Variants in NXPH1 observed in about 807,000 individuals in gnomAD.
The protein encoded by NXPH1 is neurexophilin-1.
NXPH1 carries 5 observed loss-of-function variants against 23.7 expected under a neutral mutation model. The observed-to-expected ratio is 0.21, with a 90% CI of 0.11 to 0.44. The LOEUF is 0.44. NXPH1 is among the 20% of genes least tolerant of loss of function. NXPH1 has a pLI of 0.99. For missense variants in NXPH1, 324 were observed against 321.6 expected (o/e 1.01, Z -0.06); for synonymous variants, 144 against 122.2 (o/e 1.18, Z -1.18).
chr7:8,483,515 C>T (rs1817108509), intron 2 of NXPH1, among the ~76,000 whole-genome samples: 1 of 151,918 alleles, frequency 6.6e-6, no homozygotes, highest in Admixed American at 6.6e-5. Flanking sequence ...CCCTATGTTG[C>T]CCAGGCTGGT....
chr7:8,720,280 C>G (rs1178106556), intron 2 of NXPH1, among the ~76,000 whole-genome samples: 1 of 152,140 alleles, frequency 6.6e-6, no homozygotes, highest in African/African-American at 2.4e-5. Context: ...GGTTTTGGGT[C>G]AGAACAGCAG....
At chr7:8,660,241 A>G (rs934043604) in intron 2 of NXPH1, among the ~76,000 whole-genome samples, 1 of 152,168 alleles carries the variant, frequency 6.6e-6, no homozygotes, top group African/African-American at 2.4e-5. Flanking sequence ...TATTTTGCAA[A>G]TAAGGAAAGT....
chr7:8,525,959 G>T (rs1474669154), intron 2 of NXPH1, among the ~76,000 whole-genome samples: 1 of 151,826 alleles, frequency 6.6e-6, no homozygotes, highest in Non-Finnish European at 1.5e-5. Context: ...CCTAGTGGAG[G>T]TGTGAGAAGA....
intron 2 of NXPH1, among the ~76,000 whole-genome samples, chr7:8,612,551 G>A (rs180875863): frequency 1.3e-5 from 2 of 151,966 alleles, no homozygotes; most frequent in African/African-American, 2.4e-5. Flanking sequence ...GCATTCATAT[G>A]TGCTAAGTTA....
At chr7:8,455,188 C>A (rs545552649) in intron 2 of NXPH1, among the ~76,000 whole-genome samples, 124 of 152,144 alleles carry the variant, frequency 8.2e-4, no homozygotes, top group African/African-American at 2.9e-3. Context: ...ATTGTCAGTT[C>A]TCCTATATAC....
intron 2 of NXPH1, among the ~76,000 whole-genome samples, chr7:8,673,734 C>T (rs1820907025): frequency 6.6e-6 from 1 of 151,960 alleles, no homozygotes; most frequent in Non-Finnish European, 1.5e-5. Context: ...CAGTCTTCGG[C>T]AAAGACTAAG....
At chr7:8,582,740 A>G (rs1818904942) in intron 2 of NXPH1, among the ~76,000 whole-genome samples, 1 of 152,154 alleles carries the variant, frequency 6.6e-6, no homozygotes, top group African/African-American at 2.4e-5. Context: ...AAGCACTATG[A>G]GTAAATTCTC....
intron 2 of NXPH1, among the ~76,000 whole-genome samples, chr7:8,633,817 G>T (rs1445168918): frequency 6.6e-6 from 1 of 152,166 alleles, no homozygotes; most frequent in Non-Finnish European, 1.5e-5. Context: ...TGACAAAACT[G>T]AGGTCTGCGG....
intron 2 of NXPH1, among the ~76,000 whole-genome samples, chr7:8,690,952 A>C (rs1307895050): frequency 6.6e-6 from 1 of 152,128 alleles, no homozygotes; most frequent in African/African-American, 2.4e-5. Flanking sequence ...ATTTGAATGA[A>C]GTCTCCTCAA....
At chr7:8,476,292 TTCTC>T (rs1189695409) in intron 2 of NXPH1, among the ~76,000 whole-genome samples, 1 of 152,148 alleles carries the variant, frequency 6.6e-6, no homozygotes, top group African/African-American at 2.4e-5. Context: ...GCCCTGTTCT[TTCTC>T]TGTCAGCTGA....
At chr7:8,522,993 A>C (rs902811486) in intron 2 of NXPH1, among the ~76,000 whole-genome samples, 3 of 152,238 alleles carry the variant, frequency 2.0e-5, no homozygotes, top group African/African-American at 7.2e-5. Flanking sequence ...AACTTTGGGC[A>C]AATACACTTT....
intron 2 of NXPH1, among the ~76,000 whole-genome samples, chr7:8,600,089 T>C (rs1013702344): frequency 1.3e-5 from 2 of 152,052 alleles, no homozygotes; most frequent in African/African-American, 4.8e-5. Flanking sequence ...AAAATATTTA[T>C]TTATATGATG....
chr7:8,516,866 TG>T (rs1817695148), intron 2 of NXPH1, among the ~76,000 whole-genome samples: 1 of 151,976 alleles, frequency 6.6e-6, no homozygotes, highest in African/African-American at 2.4e-5. Context: ...GTGCAGAAGG[TG>T]GATGGAAAGA....
chr7:8,461,843 A>AAAAAAAAAAAAAAATG (rs758426131), intron 2 of NXPH1, among the ~76,000 whole-genome samples: 1 of 121,450 alleles, frequency 8.2e-6, no homozygotes. Flanking sequence ...TCTCAAAAAA[A>AAAAAAAAAAAAAAATG]AAAAAAAAGA....
At chr7:8,459,194 G>A (rs1816649633) in intron 2 of NXPH1, among the ~76,000 whole-genome samples, 1 of 151,512 alleles carries the variant, frequency 6.6e-6, no homozygotes, top group South Asian at 2.1e-4. Context: ...TATTTTGCAT[G>A]GAAAGTGGTT....
At chr7:8,568,440 T>A (rs954979126) in intron 2 of NXPH1, among the ~76,000 whole-genome samples, 7 of 151,860 alleles carry the variant, frequency 4.6e-5, no homozygotes, top group Admixed American at 4.6e-4. Context: ...TATGTGCAGA[T>A]GCATAAAGAG....
intron 2 of NXPH1, among the ~76,000 whole-genome samples, chr7:8,594,537 G>A (rs1819173220): frequency 6.6e-6 from 1 of 152,018 alleles, no homozygotes; most frequent in South Asian, 2.1e-4. Context: ...TTAAAAATAT[G>A]TTTCTCTTTG....
At chr7:8,508,439 T>G (rs187744235) in intron 2 of NXPH1, among the ~76,000 whole-genome samples, 57 of 152,264 alleles carry the variant, frequency 3.7e-4, no homozygotes, top group African/African-American at 1.3e-3. Context: ...CGCATATATC[T>G]GTAAAATTCT....
intron 2 of NXPH1, among the ~76,000 whole-genome samples, chr7:8,682,568 T>C (rs1483648324): frequency 3.9e-5 from 6 of 152,212 alleles, no homozygotes; most frequent in Admixed American, 3.9e-4. Flanking sequence ...TCTCCTATTC[T>C]TATATCATCT....
Sources: gnomAD v4.1 joint callset for allele counts (sites outside exome capture counted in the v4.1 genomes callset) on GRCh38, gnomAD v4.1.1 for gene constraint, MANE v1.5 for transcripts, NCBI Gene and HGNC (gene_info 2026-07-23, HGNC 2026-07-21) for gene names.